DAB1: variants seen among roughly 807,000 people sequenced by gnomAD.
DAB1 encodes DAB adaptor protein 1.
A neutral mutation model predicts 64.6 loss-of-function variants in DAB1; 15 were observed. The ratio of observed to expected loss-of-function variants is 0.23; its 90% CI spans 0.16 to 0.36. DAB1 has a LOEUF of 0.36. Ranked by LOEUF, DAB1 falls within the 10% of genes least tolerant of loss-of-function variation. The pLI, the probability that DAB1 is intolerant of heterozygous loss-of-function variation, is 1.00. For synonymous variants in DAB1, 235 were observed against 251.9 expected, an observed-to-expected ratio of 0.93 and a Z score of 0.64; for missense variants, 596 against 706.7, an observed-to-expected ratio of 0.84 and a Z score of 1.78.
intron 4 of DAB1, among the ~76,000 whole-genome samples, chr1:58,195,928 A>G (rs1371012259): frequency 2.0e-5 from 3 of 152,256 alleles, no homozygotes; most frequent in Admixed American, 1.3e-4. Context: ...TAAAGCTAGC[A>G]TGCAGTGAAG....
At chr1:57,430,864 T>C (rs923810161) in intron 7 of DAB1, among the ~76,000 whole-genome samples, 31 of 151,550 alleles carry the variant, frequency 2.0e-4, no homozygotes, top group African/African-American at 6.8e-4. Context: ...GTTTACTGAT[T>C]GTTTACTCTA....
In DAB1 at chr1:57,047,320, T is replaced by C. The variant is rs376738819; in HGVS notation, c.723+15564A>G. Among the ~76,000 whole-genome samples the C allele has an allele frequency of 2.0e-5, 3 of 152,332 alleles. No individual in the cohort carries two copies. The East Asian group carries it at 5.8e-4, about 29-fold the overall frequency. On this transcript the variant is annotated intron_variant, in intron 9 of 14. Coordinates refer to ENST00000371236, the MANE Select transcript of DAB1 (RefSeq NM_001365792.1). ...CTTGTTATCCCTGTCTGTTAAGGAC[T>C]GGATGTTTGGGTCCCTCCCAAAATT...
intron 4 of DAB1, among the ~76,000 whole-genome samples, chr1:58,236,652 C>A (rs1461396661): frequency 6.6e-6 from 1 of 152,192 alleles, no homozygotes; most frequent in African/African-American, 2.4e-5. Flanking sequence ...TGCATCATCT[C>A]TTTGAAGCTT....
chr1:57,283,820 C>T (rs1200053218), intron 2 of DAB1, among the ~76,000 whole-genome samples: 1 of 152,150 alleles, frequency 6.6e-6, no homozygotes, highest in Non-Finnish European at 1.5e-5. Flanking sequence ...GGGTTGCAAC[C>T]CTGGCTCTGC....
chr1:58,185,365 A>G (rs1160161426), intron 4 of DAB1, among the ~76,000 whole-genome samples: 5 of 152,172 alleles, frequency 3.3e-5, no homozygotes, highest in Non-Finnish European at 7.3e-5. Context: ...TTTTCCTGAC[A>G]TATCTCTAGG....
chr1:58,420,627 C>T (rs1644762839), intron 3 of DAB1, among the ~76,000 whole-genome samples: 1 of 152,160 alleles, frequency 6.6e-6, no homozygotes, highest in Non-Finnish European at 1.5e-5. Flanking sequence ...AACCTATTGT[C>T]AGACAAACTG....
intron 4 of DAB1, among the ~76,000 whole-genome samples, chr1:58,186,132 T>C (rs1657063680): frequency 6.6e-6 from 1 of 152,232 alleles, no homozygotes; most frequent in Admixed American, 6.5e-5. Flanking sequence ...GCAAATATTC[T>C]GGCAGGATCA....
intron 1 of DAB1, among the ~76,000 whole-genome samples, chr1:58,544,949 C>G (rs2100506678): frequency 6.6e-6 from 1 of 152,236 alleles, no homozygotes; most frequent in South Asian, 2.1e-4. Context: ...CTATGTTGCC[C>G]AGGCTGGTTT....
intron 1 of DAB1, among the ~76,000 whole-genome samples, chr1:57,329,956 A>G (rs1271979165): frequency 1.3e-5 from 2 of 152,206 alleles, no homozygotes; most frequent in African/African-American, 2.4e-5. Flanking sequence ...CATCCCTCAA[A>G]TGAGTATTTC....
chr1:57,798,781 G>A (rs993066808), intron 6 of DAB1, among the ~76,000 whole-genome samples: 1 of 152,166 alleles, frequency 6.6e-6, no homozygotes, highest in African/African-American at 2.4e-5. Context: ...TTTCAAGGCT[G>A]TCTGTGTGGA....
chr1:57,606,113 G>A, intron 7 of DAB1: 1 of 451,708 alleles, frequency 2.2e-6, no homozygotes. Flanking sequence ...ACCATCTCCT[G>A]GGATTTTACA....
At chr1:57,043,985 C>T (rs749975686) in intron 9 of DAB1, among the ~76,000 whole-genome samples, 1 of 152,248 alleles carries the variant, frequency 6.6e-6, no homozygotes, top group African/African-American at 2.4e-5. Flanking sequence ...CCCTTTCCTA[C>T]CATGTTCTCC....
intron 3 of DAB1, among the ~76,000 whole-genome samples, chr1:58,491,926 C>T (rs1645700559): frequency 6.6e-6 from 1 of 152,172 alleles, no homozygotes; most frequent in Non-Finnish European, 1.5e-5. Flanking sequence ...TAATAGACAT[C>T]TACAGAACTC....
intron 5 of DAB1, among the ~76,000 whole-genome samples, chr1:57,963,679 C>A (rs60625778): frequency 8.5e-5 from 13 of 152,252 alleles, no homozygotes; most frequent in South Asian, 2.1e-4. Flanking sequence ...TGCGTCACGC[C>A]CATGCTGCTG....
At chr1:58,351,494 G>A (rs1404888280) in intron 3 of DAB1, among the ~76,000 whole-genome samples, 1 of 152,046 alleles carries the variant, frequency 6.6e-6, no homozygotes, top group Admixed American at 6.6e-5. Context: ...GAGGTGGAAG[G>A]AGATGGAAGA....
At chr1:57,977,505 A>C (rs1456762236) in intron 5 of DAB1, among the ~76,000 whole-genome samples, 1 of 152,204 alleles carries the variant, frequency 6.6e-6, no homozygotes, top group Non-Finnish European at 1.5e-5. Flanking sequence ...GCTCTGCAAC[A>C]AGACATCCAG....
At chr1:58,345,352 G>A (rs1200997216) in intron 3 of DAB1, among the ~76,000 whole-genome samples, 2 of 152,142 alleles carry the variant, frequency 1.3e-5, no homozygotes, top group Non-Finnish European at 2.9e-5. Context: ...TTGGAATACT[G>A]AGAGCCACAC....
chr1:58,063,638 T>TA (rs1313478605), intron 5 of DAB1, among the ~76,000 whole-genome samples: 1 of 152,208 alleles, frequency 6.6e-6, no homozygotes, highest in Non-Finnish European at 1.5e-5. Context: ...CCTGAGTTTT[T>TA]ATCTGTAAAA....
intron 5 of DAB1, among the ~76,000 whole-genome samples, chr1:58,093,747 C>A (rs956788249): frequency 6.6e-6 from 1 of 151,266 alleles, no homozygotes; most frequent in African/African-American, 2.4e-5. Context: ...CTAAGAACAG[C>A]AACCTAAGGA....
Sources: allele counts gnomAD v4.1 joint callset (sites outside exome capture counted in the v4.1 genomes callset), GRCh38; gene constraint gnomAD v4.1.1; transcripts MANE v1.5; gene names NCBI Gene and HGNC (gene_info 2026-07-23, HGNC 2026-07-21).